KIRREL3: variants seen among roughly 807,000 people sequenced by gnomAD.
The protein encoded by KIRREL3 is kin of IRRE-like protein 3.
A neutral mutation model predicts 89.7 loss-of-function variants in KIRREL3; 36 were observed. The ratio of observed to expected loss-of-function variants is 0.40; its 90% CI spans 0.31 to 0.53. KIRREL3 has a LOEUF of 0.53. Among genes scored for constraint, KIRREL3 ranks in the 20% least tolerant of loss-of-function variants. The pLI, the probability that KIRREL3 is intolerant of heterozygous loss-of-function variation, is 0.49. For missense variants in KIRREL3, 864 were observed against 1,056.6 expected (o/e 0.82, Z 2.53); for synonymous variants, 445 against 441.4 (o/e 1.01, Z -0.10).
At chr11:126,547,421 A>G (rs996869070) in intron 2 of KIRREL3, among the ~76,000 whole-genome samples, 1 of 152,172 alleles carries the variant, frequency 6.6e-6, no homozygotes, top group Non-Finnish European at 1.5e-5. Context: ...CGGAAAACCT[A>G]TTAACATGCT....
intron 1 of KIRREL3, among the ~76,000 whole-genome samples, chr11:126,712,143 A>G (rs1034807565): frequency 2.6e-5 from 4 of 152,002 alleles, no homozygotes; most frequent in African/African-American, 7.2e-5. Context: ...CTCTAGTAGC[A>G]TTTTCTTTCT....
intron 4 of KIRREL3, among the ~76,000 whole-genome samples, chr11:126,514,592 C>T (rs780678719): frequency 1.4e-4 from 22 of 152,302 alleles, no homozygotes; most frequent in Admixed American, 4.6e-4. Context: ...GCATAACAGG[C>T]GCTATTCTGA....
intron 1 of KIRREL3, among the ~76,000 whole-genome samples, chr11:126,959,329 A>G (rs1949015123): frequency 6.6e-6 from 1 of 151,786 alleles, no homozygotes; most frequent in Non-Finnish European, 1.5e-5. Flanking sequence ...TCTGGGATAA[A>G]GACACACATG....
rs1565406235 is a variant in KIRREL3 at position 126,908,256 on chromosome 11, T to C, written c.55+92199A>G. 6.6e-6 allele frequency among the ~76,000 whole-genome samples: 1 copy of C among 152,232 alleles called. No individual in the cohort carries two copies. Among genetic ancestry groups the C allele is most frequent in the Non-Finnish European group, 1.5e-5 (1 of 68,046 alleles). ...AAATCTAGGTGGATATTCCAATCGG[T>C]TGCTTTGACATTCATGGATGCCAAG... On this transcript the variant is annotated intron_variant, in intron 1 of 16. Transcript: ENST00000525144. This position sits in a 1 kb window ranked among gnomAD's most constrained non-coding sequence, Gnocchi z 4.2.
intron 1 of KIRREL3, among the ~76,000 whole-genome samples, chr11:126,616,226 G>T (rs752444431): frequency 6.6e-6 from 1 of 152,146 alleles, no homozygotes; most frequent in Non-Finnish European, 1.5e-5. Flanking sequence ...AGGCTGAAAT[G>T]GTGGCTTGGG....
rs1464213608 is a variant in KIRREL3 at position 126,683,723 on chromosome 11, C to T, written c.56-120811G>A. 3.9e-5 allele frequency among the ~76,000 whole-genome samples: 6 copies of T among 152,192 alleles called. No homozygotes were observed. The highest frequency in any genetic ancestry group is 1.4e-4 in the African/African-American group (6 of 41,464). Reference sequence around the variant, plus strand: ...CTGAAAATCAGTGTGCTGATATCACCCCTTTTGTCTATGAGGAGTGAATGT... The same window carrying T: ...CTGAAAATCAGTGTGCTGATATCACTCCTTTTGTCTATGAGGAGTGAATGT... On this transcript the variant is annotated intron_variant, in intron 1 of 16. Coordinates refer to ENST00000525144, the MANE Select transcript of KIRREL3 (RefSeq NM_032531.4). The surrounding 1 kb of genome is among the most constrained non-coding windows in gnomAD (Gnocchi z 5.2).
At chr11:126,453,465 T>C (rs1956248109) in intron 7 of KIRREL3, among the ~76,000 whole-genome samples, 1 of 152,260 alleles carries the variant, frequency 6.6e-6, no homozygotes, top group South Asian at 2.1e-4. Flanking sequence ...GGGAGGAAGC[T>C]ATCAAGATGA....
Position 126,611,763 on chromosome 11 carries a change from G to A in KIRREL3, c.56-48851C>T, listed in dbSNP as rs1181657650. Among the ~76,000 whole-genome samples, 2 of 152,202 alleles carry A rather than the reference G, an allele frequency of 1.3e-5. No homozygotes were observed. Among genetic ancestry groups the A allele is most frequent in the Non-Finnish European group, 2.9e-5 (2 of 68,036 alleles). ...TCCCAGAGGCTGTTGGCATGTGGAT[G>A]CTGCCTCTGTGATCCACAGCCCCGC... On this transcript the variant is annotated intron_variant, in intron 1 of 16. Coordinates refer to ENST00000525144, the MANE Select transcript of KIRREL3 (RefSeq NM_032531.4). The surrounding 1 kb of genome is among the most constrained non-coding windows in gnomAD (Gnocchi z 4.7).
At chr11:126,518,313 C>T (rs1319394717) in intron 4 of KIRREL3, among the ~76,000 whole-genome samples, 4 of 152,202 alleles carry the variant, frequency 2.6e-5, no homozygotes, top group African/African-American at 7.2e-5. Flanking sequence ...AGCACGCTGC[C>T]GGCAGATGCA....
rs1259407620 is a variant in KIRREL3, at chr11:126,797,362, C to T, written c.55+203093G>A. Among the ~76,000 whole-genome samples the T allele has an allele frequency of 6.6e-6, 1 of 152,188 alleles. No individual in the cohort carries two copies. Among genetic ancestry groups the T allele is most frequent in the Non-Finnish European group, 1.5e-5 (1 of 68,032 alleles). On this transcript the variant is annotated intron_variant, in intron 1 of 16. Transcript: ENST00000525144. The surrounding 1 kb of genome is among the most constrained non-coding windows in gnomAD (Gnocchi z 4.9). ...CTGATTCTCAGCGTAATATCTGGCA[C>T]AGAGAAGCACTGGATGCTGATAGTT...
Position 126,432,540 on chromosome 11 carries a change from G to T in KIRREL3, c.1589-1014C>A, listed in dbSNP as rs1208939139. On this transcript the variant is annotated intron_variant, in intron 13 of 16. Transcript: ENST00000525144. This position sits in a 1 kb window ranked among gnomAD's most constrained non-coding sequence, Gnocchi z 6.2. ...GACACACAGGAGCTGCCCAGCCAGGGTCAATCCAGGTCTCCTCTCACTGCT... is the reference window on the plus strand; with the variant it reads ...GACACACAGGAGCTGCCCAGCCAGGTTCAATCCAGGTCTCCTCTCACTGCT... Among the ~76,000 whole-genome samples, 8 of 152,160 alleles carry T rather than the reference G, an allele frequency of 5.3e-5. No homozygotes were observed. Among genetic ancestry groups the T allele is most frequent in the Middle Eastern group, 3.4e-3 (1 of 294 alleles).
Position 126,490,698 on chromosome 11 carries a change from G to C in KIRREL3, c.434-17232C>G, listed in dbSNP as rs1565495449. ...AGTTCCATGGGATGGCATTTGTGAC[G>C]TCCCCAGAACAGGGCTCAGTGAATG... On this transcript the variant is annotated intron_variant, in intron 4 of 16. Transcript: ENST00000525144. This position sits in a 1 kb window ranked among gnomAD's most constrained non-coding sequence, Gnocchi z 4.2. Among the ~76,000 whole-genome samples the C allele has an allele frequency of 6.6e-6, 1 of 152,192 alleles. No individual in the cohort carries two copies. Among genetic ancestry groups the C allele is most frequent in the Non-Finnish European group, 1.5e-5 (1 of 68,034 alleles).
In KIRREL3 at chr11:126,978,769, C is replaced by T. The variant is rs1335463174; in HGVS notation, c.55+21686G>A. ...CTCTGTTCCCCCAAGGTGGGCTAGG[C>T]AACCCTAGTGTCTGCTCCCACAGGA... On this transcript the variant is annotated intron_variant, in intron 1 of 16. Coordinates refer to ENST00000525144, the MANE Select transcript of KIRREL3 (RefSeq NM_032531.4). This position sits in a 1 kb window ranked among gnomAD's most constrained non-coding sequence, Gnocchi z 4.2. Among the ~76,000 whole-genome samples, 1 of 152,198 alleles carries T rather than the reference C, an allele frequency of 6.6e-6. No individual in the cohort carries two copies. Among genetic ancestry groups the T allele is most frequent in the Non-Finnish European group, 1.5e-5 (1 of 68,040 alleles).
intron 11 of KIRREL3, among the ~76,000 whole-genome samples, chr11:126,437,590 C>T (rs945287780): frequency 2.0e-5 from 3 of 152,042 alleles, no homozygotes; most frequent in Admixed American, 6.5e-5. Flanking sequence ...GCACATGTCA[C>T]AACATGCATA....
At chr11:126,810,008 C>T (rs964091395) in intron 1 of KIRREL3, among the ~76,000 whole-genome samples, 1 of 152,058 alleles carries the variant, frequency 6.6e-6, no homozygotes, top group African/African-American at 2.4e-5. Flanking sequence ...TTTCATGGCT[C>T]GAAATAGATG....
rs566671861 is a variant in KIRREL3, at chr11:126,761,879, ATAAT to A, written c.56-198971_56-198968del. On this transcript the variant is annotated intron_variant, in intron 1 of 16. Coordinates refer to ENST00000525144, the MANE Select transcript of KIRREL3 (RefSeq NM_032531.4). This position sits in a 1 kb window ranked among gnomAD's most constrained non-coding sequence, Gnocchi z 4.4. ...TCTGATATCTAGTTGTGAATTTCCT[ATAAT>A]TAAATATAGTTTGGGCTGGGTGAGG... 9.2e-5 allele frequency among the ~76,000 whole-genome samples: 14 copies of A among 152,208 alleles called. No homozygotes were observed. In the East Asian group the frequency reaches 2.7e-3, roughly 29 times the overall value.
In KIRREL3 at chr11:126,612,494, A is replaced by G. The variant is rs1182587145; in HGVS notation, c.56-49582T>C. 6.6e-6 allele frequency among the ~76,000 whole-genome samples: 1 copy of G among 152,190 alleles called. No individual in the cohort carries two copies. The highest frequency in any genetic ancestry group is 1.5e-5 in the Non-Finnish European group (1 of 68,030). On this transcript the variant is annotated intron_variant, in intron 1 of 16. Transcript: ENST00000525144. This position sits in a 1 kb window ranked among gnomAD's most constrained non-coding sequence, Gnocchi z 4.5. ...CTTTAGGGGTTAGTCTTTTTTAAGT[A>G]CATTCGTTAAAAAAGAGATGTTGTT...
intron 1 of KIRREL3, among the ~76,000 whole-genome samples, chr11:126,866,841 C>T (rs1350053729): frequency 1.3e-5 from 2 of 152,182 alleles, no homozygotes; most frequent in African/African-American, 4.8e-5. Context: ...GGGAAGACCA[C>T]CTTCCCATTC....
chr11:126,596,906 T>A (rs56054151), intron 1 of KIRREL3, among the ~76,000 whole-genome samples: 19,102 of 152,048 alleles, frequency 0.13, 1,254 homozygotes, highest in East Asian at 0.21. Context: ...AAAGGATGAG[T>A]GTCTGCAGAT....
Sources: gnomAD v4.1 joint callset for allele counts (sites outside exome capture counted in the v4.1 genomes callset) on GRCh38, gnomAD v4.1.1 for gene constraint, Gnocchi (gnomAD v3.1) non-coding constraint, MANE v1.5 for transcripts, NCBI Gene and HGNC (gene_info 2026-07-23, HGNC 2026-07-21) for gene names.